HDAC9: variants seen among roughly 807,000 people sequenced by gnomAD.
HDAC9 encodes the protein histone deacetylase 9, also known as MEF-2 interacting transcription repressor (MITR) protein.
In HDAC9, 41 loss-of-function variants were observed where a neutral mutation model predicts 139.4. The ratio of observed to expected loss-of-function variants is 0.29; its 90% CI spans 0.23 to 0.38. The LOEUF (loss-of-function observed/expected upper bound fraction) is 0.38. Ranked by LOEUF, HDAC9 falls within the 10% of genes least tolerant of loss-of-function variation. The probability of loss-of-function intolerance (pLI) is 1.00; values close to 1 mark genes in which losing one functional copy is unlikely to be tolerated. For missense variants in HDAC9, 1,147 were observed against 1,297.0 expected, an observed-to-expected ratio of 0.88 and a Z score of 1.78; for synonymous variants, 517 against 476.2, an observed-to-expected ratio of 1.09 and a Z score of -1.12.
At chr7:18,780,952 G>A (rs1264745028) in intron 16 of HDAC9, among the ~76,000 whole-genome samples, 1 of 151,922 alleles carries the variant, frequency 6.6e-6, no homozygotes, top group Non-Finnish European at 1.5e-5. Context: ...ACCACAGATT[G>A]GGTGGCTTAA....
chr7:18,967,514 A>G (rs548618052), intron 24 of HDAC9, among the ~76,000 whole-genome samples: 2 of 141,840 alleles, frequency 1.4e-5, no homozygotes, highest in East Asian at 2.5e-4. Flanking sequence ...CCCAAAAAAA[A>G]AAAAGCAGGG....
intron 1 of HDAC9, among the ~76,000 whole-genome samples, chr7:18,124,364 C>G (rs1053779312): frequency 3.3e-5 from 5 of 152,144 alleles, no homozygotes; most frequent in African/African-American, 1.2e-4. Context: ...AAGTCATGTG[C>G]TTTTCTTCTG....
intron 2 of HDAC9, among the ~76,000 whole-genome samples, chr7:18,529,445 C>T (rs1365824424): frequency 6.6e-6 from 1 of 152,156 alleles, no homozygotes; most frequent in African/African-American, 2.4e-5. Context: ...AGTTTTCATC[C>T]AACACTTAGT....
At chr7:18,756,890 T>A (rs1258168409) in intron 14 of HDAC9, among the ~76,000 whole-genome samples, 4 of 151,974 alleles carry the variant, frequency 2.6e-5, no homozygotes, top group East Asian at 3.9e-4. Flanking sequence ...TTTTTTTTTT[T>A]ATGAGAAAAA....
At chr7:18,506,329 T>C (rs541844648) in intron 2 of HDAC9, among the ~76,000 whole-genome samples, 2 of 152,274 alleles carry the variant, frequency 1.3e-5, no homozygotes, top group South Asian at 4.1e-4. Context: ...CTCTGGTTGA[T>C]GATGACAACA....
At chr7:18,840,791 T>G (rs575524892) in intron 21 of HDAC9, among the ~76,000 whole-genome samples, 1 of 152,226 alleles carries the variant, frequency 6.6e-6, no homozygotes, top group African/African-American at 2.4e-5. Flanking sequence ...TGCAAAATTG[T>G]GATTGGAAAT....
At chr7:18,542,659 T>C (rs1329077614) in intron 2 of HDAC9, among the ~76,000 whole-genome samples, 1 of 152,112 alleles carries the variant, frequency 6.6e-6, no homozygotes, top group Non-Finnish European at 1.5e-5. Context: ...ATCTATTAAA[T>C]TTGGAAATAT....
intron 2 of HDAC9, among the ~76,000 whole-genome samples, chr7:18,163,284 A>G (rs1159400484): frequency 1.3e-5 from 2 of 152,144 alleles, no homozygotes; most frequent in South Asian, 2.1e-4. Flanking sequence ...ACTTGATTCT[A>G]AATGGTGCAG....
In HDAC9 at chr7:18,585,471, G is replaced by A. The variant is rs187797966; in HGVS notation, c.213G>A (p.Gln71=). Residue 71 remains glutamine, a synonymous_variant, in exon 3 of 26, where the codon CAG becomes CAA. Transcript: ENST00000686413. The stretch of plus-strand genomic sequence containing the variant: ...TTCTGATAGCAGAGTTTCAGAAACA[G>A]CATGAGAACTTGACACGGCAGCACC... The part of the protein sequence containing the change: ...KQLLIAEFQK[Q]HENLTRQHQA... 2.1e-5 allele frequency: 34 copies of A among 1,613,930 alleles called. No homozygotes were observed. In the East Asian group the frequency reaches 6.9e-4, roughly 33 times the overall value.
intron 2 of HDAC9, among the ~76,000 whole-genome samples, chr7:18,273,091 A>G (rs1584951158): frequency 9.6e-6 from 1 of 103,980 alleles, no homozygotes; most frequent in Non-Finnish European, 1.9e-5. Flanking sequence ...TTTGAACAAG[A>G]CAGGATGTCT....
chr7:18,596,435 T>C (rs1283888321), intron 6 of HDAC9, among the ~76,000 whole-genome samples: 2 of 152,138 alleles, frequency 1.3e-5, no homozygotes, highest in African/African-American at 4.8e-5. Flanking sequence ...AATTCCATTA[T>C]GAGAAAATTT....
chr7:18,130,515 A>G (rs1315305049), intron 1 of HDAC9, among the ~76,000 whole-genome samples: 3 of 152,104 alleles, frequency 2.0e-5, no homozygotes, highest in African/African-American at 7.2e-5. Context: ...CTTTATTGAG[A>G]TATAATTTAC....
chr7:18,413,866 G>C (rs1585725417), intron 1 of HDAC9, among the ~76,000 whole-genome samples: 1 of 152,072 alleles, frequency 6.6e-6, no homozygotes, highest in East Asian at 1.9e-4. Flanking sequence ...TAACTCTGTG[G>C]TAGGTGCTAT....
chr7:18,762,346 A>G, intron 15 of HDAC9, 69 bp downstream of exon 15: 1 of 1,553,168 alleles, frequency 6.4e-7, no homozygotes, highest in South Asian at 1.2e-5. Flanking sequence ...CGCTGGTGTC[A>G]GTTCAAAATA....
At position 18,356,591 on chromosome 7, in the gene HDAC9, A is replaced by G. The variant is rs116030442; in HGVS notation, c.-42+66076A>G. On this transcript the variant is annotated intron_variant, in intron 1 of 3. Coordinates refer to the HDAC9 transcript ENST00000413509. ...CTTGAAAGATCTTTCAGCTCTCTCT[A>G]CAGGGGAACATAGGAGTAATTTCAG... is the stretch of plus-strand genomic sequence containing the variant. Among the ~76,000 whole-genome samples the G allele has an allele frequency of 6.3e-3, 953 of 151,992 alleles. 8 individuals are homozygous for G. Among genetic ancestry groups the G allele is most frequent in the African/African-American group, 0.022 (918 of 41,438 alleles).
intron 2 of HDAC9, among the ~76,000 whole-genome samples, chr7:18,514,765 C>T (rs1042906095): frequency 6.6e-6 from 1 of 151,962 alleles, no homozygotes; most frequent in Admixed American, 6.6e-5. Flanking sequence ...CATAGTGAGA[C>T]CCTGTCTCTA....
At chr7:18,775,403 A>G (rs1162464392) in intron 16 of HDAC9, among the ~76,000 whole-genome samples, 1 of 152,070 alleles carries the variant, frequency 6.6e-6, no homozygotes, top group African/African-American at 2.4e-5. Flanking sequence ...GCACAGTAAA[A>G]CAAGGTGTGC....
Position 18,536,379 on chromosome 7 carries a change from A to G in HDAC9, c.22+40055A>G, listed in dbSNP as rs116025730. Among the ~76,000 whole-genome samples the G allele has an allele frequency of 3.4e-3, 517 of 152,308 alleles. 3 individuals are homozygous for G. The highest frequency in any genetic ancestry group is 0.012 in the African/African-American group (495 of 41,558). On this transcript the variant is annotated intron_variant, in intron 2 of 25. Coordinates refer to ENST00000686413, the MANE Select transcript of HDAC9 (RefSeq NM_178425.4). The stretch of plus-strand genomic sequence containing the variant: ...CCCACCTAAACCACAAATTTGAACT[A>G]AAATTTGTAACTTAATTTGGAAGAG...
intron 1 of HDAC9, among the ~76,000 whole-genome samples, chr7:18,321,771 C>T (rs776919916): frequency 1.3e-5 from 2 of 152,116 alleles, no homozygotes; most frequent in Non-Finnish European, 2.9e-5. Context: ...CCAGATGAGA[C>T]GCGCCCTGGT....
Sources: allele counts gnomAD v4.1 joint callset (sites outside exome capture counted in the v4.1 genomes callset), GRCh38; gene constraint gnomAD v4.1.1; transcripts MANE v1.5; gene names NCBI Gene and HGNC (gene_info 2026-07-23, HGNC 2026-07-21).